CDS1: variants seen among roughly 807,000 people sequenced by gnomAD.
The protein encoded by CDS1 is CDP-diacylglycerol synthase 1.
A neutral mutation model predicts 62.1 loss-of-function variants in CDS1; 41 were observed. The ratio of observed to expected loss-of-function variants is 0.66; its 90% CI spans 0.51 to 0.86. CDS1 has a LOEUF of 0.86. Ranked by LOEUF, CDS1 falls within the 40% of genes least tolerant of loss-of-function variation. The pLI is 0.00. For synonymous variants in CDS1, 185 were observed against 192.6 expected (o/e 0.96, Z 0.32); for missense variants, 470 against 550.1 (o/e 0.85, Z 1.46).
At chr4:84,605,951 G>T (rs1723080280) in intron 2 of CDS1, among the ~76,000 whole-genome samples, 1 of 152,040 alleles carries the variant, frequency 6.6e-6, no homozygotes, top group Admixed American at 6.6e-5. Context: ...CTGAACCTAG[G>T]TACTGTGGCT....
chr4:84,629,430 C>T (rs549929610), intron 5 of CDS1, among the ~76,000 whole-genome samples: 1 of 150,888 alleles, frequency 6.6e-6, no homozygotes, highest in South Asian at 2.1e-4. Flanking sequence ...TTGTCATTAT[C>T]CCCTGAAAAA....
At chr4:84,635,762 C>CT (rs1161584979) in intron 8 of CDS1, among the ~76,000 whole-genome samples, 100 of 130,334 alleles carry the variant, frequency 7.7e-4, no homozygotes, top group African/African-American at 2.1e-3. Flanking sequence ...CTTTTCTTTC[C>CT]TTTTTTTTTT....
chr4:84,635,954 G>C (rs1578050372), intron 8 of CDS1, among the ~76,000 whole-genome samples: 2 of 151,540 alleles, frequency 1.3e-5, no homozygotes, highest in Non-Finnish European at 2.9e-5. Flanking sequence ...ACAGAGTCTT[G>C]CCATGTTGTT....
chr4:84,630,204 A>G (rs747962598), intron 5 of CDS1, among the ~76,000 whole-genome samples: 12 of 152,300 alleles, frequency 7.9e-5, no homozygotes, highest in Non-Finnish European at 1.6e-4. Context: ...CTTTCATACA[A>G]TTGGTAATTT....
In CDS1 at chr4:84,604,352, T is replaced by C; in HGVS notation, c.227T>C (p.Leu76Pro). ...DRTPEILKKA[L>P]SGLSSRWKNW... is the part of the protein sequence containing the mutation. ...ACCCCTGAGATTCTCAAAAAAGCTC[T>C]ATCTGGTTTATCTTCAAGGTATGAT... The change falls in exon 2 of 13, where the codon CTA becomes CCA. Residue 76 changes from leucine to proline, a missense_variant. This residue lies in a region of CDS1 where 150 missense variants were observed against 142.0 expected (regional missense o/e 1.06). Coordinates refer to ENST00000295887, the MANE Select transcript of CDS1 (RefSeq NM_001263.4). 2 of 1,613,270 alleles carry C rather than the reference T, an allele frequency of 1.2e-6. No individual in the cohort carries two copies. The highest frequency in any genetic ancestry group is 2.2e-5 in the South Asian group (2 of 90,932).
At chr4:84,591,366 G>T (rs1373947924) in intron 1 of CDS1, among the ~76,000 whole-genome samples, 1 of 152,106 alleles carries the variant, frequency 6.6e-6, no homozygotes, top group African/African-American at 2.4e-5. Flanking sequence ...TATTTCTTGA[G>T]GCTTGGTTTG....
Position 84,588,529 on chromosome 4 carries a change from C to T in CDS1, c.117+5011C>T, listed in dbSNP as rs1722485763. ...AGGGTTTTATTATTACTCACATTAA[C>T]CTCCCTAAAAATTTGGAGGCTAGAC... is the stretch of plus-strand genomic sequence containing the variant. On this transcript the variant is annotated intron_variant, in intron 1 of 12. Transcript: ENST00000295887. Among the ~76,000 whole-genome samples, 5 of 152,194 alleles carry T rather than the reference C, an allele frequency of 3.3e-5. No homozygotes were observed. The South Asian group carries it at 8.3e-4, about 25-fold the overall frequency.
chr4:84,610,026 A>T (rs1168813973), intron 3 of CDS1, among the ~76,000 whole-genome samples: 2 of 151,822 alleles, frequency 1.3e-5, no homozygotes, highest in African/African-American at 4.8e-5. Flanking sequence ...AAAAAAAATG[A>T]CAGAAATACA....
intron 8 of CDS1, 77 bp from the exon 9 acceptor site, chr4:84,638,847 T>TTATATATA (rs3840105): frequency 1.2e-4 from 36 of 300,626 alleles, no homozygotes; most frequent in Admixed American, 2.1e-4. Flanking sequence ...AGGAAATAGT[T>TTATATATA]TATATATATA....
At position 84,604,296 on chromosome 4, in the gene CDS1, T is replaced by G. The variant is rs1318764543; in HGVS notation, c.171T>G (p.Asp57Glu). The G allele has an allele frequency of 2.5e-6, 4 of 1,612,272 alleles. No individual in the cohort carries two copies. The Admixed American group carries it at 6.7e-5, about 27-fold the overall frequency. ...ATTTGGATTCCAGAACAGATTCTGA[T>G]ATTCCGGAAATTCCACCATCCTCAG... ...YGDLDSRTDS[D>E]IPEIPPSSDR... The change falls in exon 2 of 13, where the codon GAT (aspartate) becomes GAG (glutamate). Residue 57 changes from aspartate to glutamate, a missense_variant. Around this residue, in one of 5 missense-constraint regions of CDS1, gnomAD observed 150 missense variants for 142.0 expected, o/e 1.06. Coordinates refer to ENST00000295887, the MANE Select transcript of CDS1 (RefSeq NM_001263.4).
At chr4:84,624,234 A>C (rs916503055) in intron 5 of CDS1, among the ~76,000 whole-genome samples, 2 of 149,526 alleles carry the variant, frequency 1.3e-5, no homozygotes, top group Non-Finnish European at 3.0e-5. Context: ...AGATCCTGCC[A>C]CTGCACTCCA....
chr4:84,619,306 T>G, intron 4 of CDS1, 88 bp from the exon 5 acceptor site: 5 of 616,148 alleles, frequency 8.1e-6, no homozygotes, highest in African/African-American at 1.9e-5. Context: ...TTGATCTTTG[T>G]GTCATCAGAA....
intron 1 of CDS1, among the ~76,000 whole-genome samples, chr4:84,595,551 T>A (rs1722723483): frequency 6.6e-6 from 1 of 152,202 alleles, no homozygotes; most frequent in South Asian, 2.1e-4. Context: ...CCTTTGAATA[T>A]TTTTCATCTG....
At chr4:84,615,072 C>T (rs1723445886) in intron 3 of CDS1, among the ~76,000 whole-genome samples, 7 of 152,088 alleles carry the variant, frequency 4.6e-5, no homozygotes, top group Admixed American at 1.3e-4. Context: ...GTGCTTTTTC[C>T]GCTTGGCCCC....
At chr4:84,585,563 C>T (rs1722387486) in intron 1 of CDS1, among the ~76,000 whole-genome samples, 1 of 152,078 alleles carries the variant, frequency 6.6e-6, no homozygotes, top group Non-Finnish European at 1.5e-5. Flanking sequence ...AAGGGCCTTC[C>T]CTGTTCAGTT....
At chr4:84,628,906 T>A (rs1029803478) in intron 5 of CDS1, among the ~76,000 whole-genome samples, 3 of 152,112 alleles carry the variant, frequency 2.0e-5, no homozygotes, top group Non-Finnish European at 4.4e-5. Context: ...ACTGGAGAAC[T>A]CTTTGATGCT....
At chr4:84,589,964 C>A (rs1722538814) in intron 1 of CDS1, among the ~76,000 whole-genome samples, 1 of 152,208 alleles carries the variant, frequency 6.6e-6, no homozygotes, top group Non-Finnish European at 1.5e-5. Context: ...GCACCCGCCA[C>A]CACGCCTGGC....
In CDS1 at chr4:84,596,082, A is replaced by T. The variant is rs114710921; in HGVS notation, c.118-8161A>T. On this transcript the variant is annotated intron_variant, in intron 1 of 12. Transcript: ENST00000295887. ...GGCCCGATTCCATTTGGGGATAGAGAGATGACAGTCATAATTCTCTCAGCA... is the reference window on the plus strand; with the variant it reads ...GGCCCGATTCCATTTGGGGATAGAGTGATGACAGTCATAATTCTCTCAGCA... Among the ~76,000 whole-genome samples the T allele has an allele frequency of 2.2e-3, 334 of 152,238 alleles. 1 individual carries two copies. The highest frequency in any genetic ancestry group is 7.4e-3 in the African/African-American group (308 of 41,540).
intron 1 of CDS1, among the ~76,000 whole-genome samples, chr4:84,602,040 T>C (rs1722953974): frequency 6.6e-6 from 1 of 152,192 alleles, no homozygotes; most frequent in Non-Finnish European, 1.5e-5. Flanking sequence ...AGTACTTCCT[T>C]CTTTTCCCTG....
Sources: gnomAD v4.1 joint callset for allele counts (sites outside exome capture counted in the v4.1 genomes callset) on GRCh38, gnomAD v4.1.1 for gene constraint, gnomAD v4.1.1 regional missense constraint, MANE v1.5 for transcripts, NCBI Gene and HGNC (gene_info 2026-07-23, HGNC 2026-07-21) for gene names.